The following C9orf72 variants were observed in gnomAD, a reference collection of about 807,000 sequenced individuals.
C9orf72 encodes the protein guanine nucleotide exchange factor C9orf72.
Under a neutral mutation model 51.6 loss-of-function variants are expected in C9orf72, and 44 were observed. The ratio of observed to expected loss-of-function variants is 0.85; its 90% CI spans 0.67 to 1.10. The LOEUF is 1.10. Among genes scored for constraint, C9orf72 ranks in the 50% least tolerant of loss-of-function variants. C9orf72 has a pLI of 0.00. For synonymous variants in C9orf72, 213 were observed against 194.2 expected, an observed-to-expected ratio of 1.10 and a Z score of -0.81; for missense variants, 607 against 570.6, an observed-to-expected ratio of 1.06 and a Z score of -0.65.
intron 8 of C9orf72, among the ~76,000 whole-genome samples, chr9:27,552,225 G>A (rs191239169): frequency 3.3e-5 from 5 of 152,218 alleles, no homozygotes; most frequent in South Asian, 4.2e-4. Context: ...GTCTTGTTAC[G>A]GTTCTCAAGG....
chr9:27,551,917 G>C (rs1457498233), intron 8 of C9orf72, among the ~76,000 whole-genome samples: 1 of 152,138 alleles, frequency 6.6e-6, no homozygotes, highest in East Asian at 1.9e-4. Flanking sequence ...GGATTCCTAG[G>C]TATTTTATTC....
chr9:27,564,139 C>G (rs768519316), intron 3 of C9orf72, among the ~76,000 whole-genome samples: 2 of 133,220 alleles, frequency 1.5e-5, no homozygotes, highest in Non-Finnish European at 3.1e-5. Context: ...AATAGCCTCA[C>G]TGAAGCTCAA....
intron 9 of C9orf72, among the ~76,000 whole-genome samples, chr9:27,550,076 T>C (rs1001021709): frequency 6.6e-6 from 1 of 150,452 alleles, no homozygotes; most frequent in Non-Finnish European, 1.5e-5. Context: ...ATATATAACA[T>C]ATACTCTACA....
rs118111269 is a variant in C9orf72, at chr9:27,550,581, T to A, written c.1149+69A>T. The A allele has an allele frequency of 8.5e-6, 8 of 940,674 alleles. No individual in the cohort carries two copies. The South Asian group carries it at 1.2e-4, about 14-fold the overall frequency. The allele number at this position is 940,674 out of a possible 1,614,324, so 58.3% of individuals were successfully genotyped here. On this transcript the variant is annotated intron_variant, in intron 9 of 10. Coordinates refer to ENST00000380003, the MANE Select transcript of C9orf72 (RefSeq NM_018325.5). ...GGAATATAAATATATAGAACAGGCA[T>A]TGTAGGATATATTAAAAAAGAAAAC...
At chr9:27,556,157 G>T (rs570995296) in intron 8 of C9orf72, among the ~76,000 whole-genome samples, 113 of 150,738 alleles carry the variant, frequency 7.5e-4, no homozygotes, top group Non-Finnish European at 1.4e-3. Flanking sequence ...CATATGTCAA[G>T]AAAAAAAAGA....
chr9:27,573,173 G>A (rs1819627038), intron 1 of C9orf72, among the ~76,000 whole-genome samples: 1 of 152,158 alleles, frequency 6.6e-6, no homozygotes, highest in South Asian at 2.1e-4. Flanking sequence ...GGGCGGGAAA[G>A]CAAGGAAGAG....
In C9orf72 at chr9:27,561,622, C is replaced by G. The variant is rs767953886; in HGVS notation, c.628G>C (p.Asp210His). ...CCTTCATGACAGCTGTCACCAATAT[C>G]ATCATCATTGAGTACTGTATCAGCT... Reference protein sequence around the residue: ...DIADTVLNDDDIGDSCHEGFL... With the variant: ...DIADTVLNDDHIGDSCHEGFL... The change falls in exon 5 of 11, where the codon GAT becomes CAT. Residue 210 changes from aspartate to histidine, a missense_variant. By Grantham distance (81) the Asp-to-His change is moderately conservative. Coordinates refer to ENST00000380003, the MANE Select transcript of C9orf72 (RefSeq NM_018325.5). The G allele has an allele frequency of 7.5e-6, 12 of 1,609,602 alleles. No individual in the cohort carries two copies. The highest frequency in any genetic ancestry group is 1.0e-5 in the Non-Finnish European group (12 of 1,177,024).
At chr9:27,568,564 C>G (rs1819521056) in intron 1 of C9orf72, among the ~76,000 whole-genome samples, 1 of 151,252 alleles carries the variant, frequency 6.6e-6, no homozygotes, top group Admixed American at 6.6e-5. Flanking sequence ...ATCATTCTTG[C>G]AAATACAGTT....
chr9:27,573,503 C>CCCGG (rs1819640259), upstream of C9orf72: 5 of 134,848 alleles, frequency 3.7e-5, no homozygotes, highest in Admixed American at 7.4e-5. Context: ...CCGGGCCCGC[C>CCCGG]CCCGGGCCCG....
intron 8 of C9orf72, chr9:27,554,494 GA>G (rs1820970978): frequency 2.5e-6 from 1 of 397,658 alleles, no homozygotes; most frequent in Non-Finnish European, 4.4e-6. Context: ...TTGAGGGTGG[GA>G]GAAGGGTGAG....
At chr9:27,562,807 G>T (rs1819382260) in intron 3 of C9orf72, among the ~76,000 whole-genome samples, 1 of 151,856 alleles carries the variant, frequency 6.6e-6, no homozygotes, top group Admixed American at 6.6e-5. Context: ...AAGTAGCTGG[G>T]ACTATAGGTG....
chr9:27,556,692 G>C lies in C9orf72; in HGVS notation c.960C>G (p.Pro320=). The part of the protein sequence containing the change: ...VDVNTVKQMP[P]CHEHIYNQRR... ...GCTGATTATAAATATGTTCATGACA[G>C]GGTGGCATCTGCTTCACAGTATTGA... Residue 320 remains proline (P), a synonymous_variant, in exon 8 of 11, where the codon CCC becomes CCG. Coordinates refer to ENST00000380003, the MANE Select transcript of C9orf72 (RefSeq NM_018325.5). 1 of 1,613,844 alleles carries C rather than the reference G, an allele frequency of 6.2e-7. No individual in the cohort carries two copies. The highest frequency in any genetic ancestry group is 8.5e-7 in the Non-Finnish European group (1 of 1,179,800).
At position 27,556,055 on chromosome 9, in the gene C9orf72, T is replaced by TA. The variant is rs200609924; in HGVS notation, c.1091+505dup. Reference sequence around the variant, plus strand: ...AATTTACTGTTCAGGCTTTTTTTTTTAAAAAAAAATAAGAAGTGAATAACA... The same window carrying TA: ...AATTTACTGTTCAGGCTTTTTTTTTTAAAAAAAAAATAAGAAGTGAATAACA... On this transcript the variant is annotated intron_variant, in intron 8 of 10. Transcript: ENST00000380003. 2.6e-3 allele frequency among the ~76,000 whole-genome samples: 395 copies of TA among 150,732 alleles called. 4 individuals carry two copies. The highest frequency in any genetic ancestry group is 8.5e-3 in the African/African-American group (348 of 41,058).
chr9:27,561,477 A>G, intron 5 of C9orf72, 108 bp downstream of exon 5: 7 of 1,488,746 alleles, frequency 4.7e-6, no homozygotes, highest in Non-Finnish European at 6.3e-6. Context: ...ATGTCCCTAG[A>G]ACAATCTAAG....
chr9:27,571,202 A>T (rs1480178356), intron 1 of C9orf72: 2 of 152,216 alleles, frequency 1.3e-5, no homozygotes, highest in Non-Finnish European at 2.9e-5. Context: ...GCCAAGATTC[A>T]AATTGAGTGA....
At position 27,548,098 on chromosome 9, in the gene C9orf72, A is replaced by C. The variant is rs777288530; in HGVS notation, c.*138T>G. Reference sequence around the variant, plus strand: ...CATCCCCTCACAGGCTCTTGTGAGAACTGTAGTGTAACTTACTTAACTGCA... The same window carrying C: ...CATCCCCTCACAGGCTCTTGTGAGACCTGTAGTGTAACTTACTTAACTGCA... On this transcript the variant is annotated 3_prime_UTR_variant, in exon 11 of 11. Coordinates refer to ENST00000380003, the MANE Select transcript of C9orf72 (RefSeq NM_018325.5). The C allele has an allele frequency of 1.8e-6, 1 of 546,432 alleles. No homozygotes were observed. Among genetic ancestry groups the C allele is most frequent in the Non-Finnish European group, 3.2e-6 (1 of 317,294 alleles). The allele number at this position is 546,432 out of a possible 1,614,324, so 33.8% of individuals were successfully genotyped here.
chr9:27,567,196 G>C, intron 1 of C9orf72, 32 bp from the exon 2 acceptor site: 1 of 1,275,640 alleles, frequency 7.8e-7, no homozygotes, highest in Non-Finnish European at 1.1e-6. Context: ...CAATGATTAG[G>C]TTCAGCAATT....
chr9:27,571,098 T>C (rs1300387467), intron 1 of C9orf72: 1 of 152,172 alleles, frequency 6.6e-6, no homozygotes, highest in African/African-American at 2.4e-5. Flanking sequence ...AAAAATCAGC[T>C]CAAAACCAAT....
In C9orf72 at chr9:27,548,374, G is replaced by T. The variant is rs1406306516; in HGVS notation, c.1308C>A (p.Asp436Glu). ...PFKSLRNLKI[D>E]LDLTAEGDLN... ...GATCGCCCTCTGCTGTTAAATCAAGGTCTATCTTCAGGTTCCGAAGAGATT... is the reference window on the plus strand; with the variant it reads ...GATCGCCCTCTGCTGTTAAATCAAGTTCTATCTTCAGGTTCCGAAGAGATT... Residue 436 changes from aspartate (D) to glutamate (E), a missense_variant, in exon 11 of 11, where the codon GAC becomes GAA. Asp to Glu is a conservative substitution (Grantham distance 45). Transcript: ENST00000380003. 7.1e-7 allele frequency: 1 copy of T among 1,416,812 alleles called. No homozygotes were observed. Among genetic ancestry groups the T allele is most frequent in the East Asian group, 3.3e-5 (1 of 30,632 alleles). 87.8% of individuals were successfully genotyped at this position (1,416,812 alleles called of 1,614,324 possible). A position where few individuals can be genotyped will look rare whatever the true frequency, so the allele number is the denominator to read the frequency against.
Sources: allele counts gnomAD v4.1 joint callset (sites outside exome capture counted in the v4.1 genomes callset), GRCh38; gene constraint gnomAD v4.1.1; transcripts MANE v1.5; gene names NCBI Gene and HGNC (gene_info 2026-07-23, HGNC 2026-07-21).